The following INPP4A variants were observed in gnomAD, a reference collection of about 807,000 sequenced individuals.
INPP4A encodes the protein inositol polyphosphate-4-phosphatase type I A, also known as inositol polyphosphate-4-phosphatase, type I, 107kD.
A neutral mutation model predicts 119.8 loss-of-function variants in INPP4A; 33 were observed. The observed-to-expected ratio is 0.28, with a 90% CI of 0.21 to 0.37. The LOEUF is 0.37. INPP4A is among the 10% of genes least tolerant of loss of function. The probability of loss-of-function intolerance (pLI) is 1.00; values close to 1 mark genes in which losing one functional copy is unlikely to be tolerated. For synonymous variants in INPP4A, 496 were observed against 500.7 expected, an observed-to-expected ratio of 0.99 and a Z score of 0.12; for missense variants, 956 against 1,289.9, an observed-to-expected ratio of 0.74 and a Z score of 3.97.
intron 1 of INPP4A, among the ~76,000 whole-genome samples, chr2:98,491,334 G>T (rs1453989778): frequency 6.6e-6 from 1 of 152,236 alleles, no homozygotes; most frequent in Admixed American, 6.5e-5. Flanking sequence ...GCCACGTAGG[G>T]CCTGGGGAGC....
intron 8 of INPP4A, among the ~76,000 whole-genome samples, chr2:98,538,516 C>T (rs1470669438): frequency 2.0e-5 from 3 of 152,174 alleles, no homozygotes; most frequent in African/African-American, 4.8e-5. Context: ...AGAGCCCTAG[C>T]GCTGGTAAGT....
At chr2:98,582,621 A>G (rs888558626) in intron 24 of INPP4A, among the ~76,000 whole-genome samples, 3 of 149,392 alleles carry the variant, frequency 2.0e-5, no homozygotes, top group African/African-American at 2.5e-5. Flanking sequence ...CACCTACTGC[A>G]TACGCCAGAC....
intron 13 of INPP4A, among the ~76,000 whole-genome samples, chr2:98,551,926 G>A (rs1423676419): frequency 1.3e-5 from 2 of 152,144 alleles, no homozygotes; most frequent in Admixed American, 6.5e-5. Flanking sequence ...TATCATCACC[G>A]TTTAGTTGGA....
At chr2:98,472,117 T>A (rs971380333) in intron 1 of INPP4A, among the ~76,000 whole-genome samples, 19 of 152,216 alleles carry the variant, frequency 1.2e-4, no homozygotes, top group African/African-American at 4.6e-4. Context: ...CGTTCTCTCC[T>A]GTGGCTGGGC....
chr2:98,587,350 C>T (rs1700058887), intron 24 of INPP4A, 126 bp from the exon 25 acceptor site: 12 of 1,015,230 alleles, frequency 1.2e-5, no homozygotes, highest in South Asian at 3.8e-5. Context: ...TAAATGAGTC[C>T]GGCACCCATT....
At chr2:98,575,043 G>A (rs1041997156) in intron 23 of INPP4A, among the ~76,000 whole-genome samples, 4 of 152,236 alleles carry the variant, frequency 2.6e-5, no homozygotes, top group Admixed American at 2.6e-4. Context: ...GGGCAGCAGT[G>A]CCAGCCACTC....
rs1162020457 is a variant in INPP4A, at chr2:98,590,948, T to C, written c.*3340T>C. ...ACACTGAACATCTTTTATACCTTTA[T>C]GATATTTCTATGTTTGTGACTTCAT... On this transcript the variant is annotated 3_prime_UTR_variant, in exon 25 of 25. Transcript: ENST00000409851. The C allele has an allele frequency of 4.3e-6, 1 of 231,448 alleles. No individual in the cohort carries two copies. Among genetic ancestry groups the C allele is most frequent in the Non-Finnish European group, 8.5e-6 (1 of 117,022 alleles). 14.3% of individuals were successfully genotyped at this position (231,448 alleles called of 1,614,324 possible). A position where few individuals can be genotyped will look rare whatever the true frequency, so the allele number is the denominator to read the frequency against.
intron 1 of INPP4A, among the ~76,000 whole-genome samples, chr2:98,469,073 A>G (rs1241654029): frequency 6.6e-6 from 1 of 152,210 alleles, no homozygotes; most frequent in African/African-American, 2.4e-5. Context: ...AAAACATGGC[A>G]GCCTGCCCTC....
chr2:98,589,847 A>G lies in INPP4A; in HGVS notation c.*2239A>G, dbSNP rs1700273127. The G allele has an allele frequency of 5.2e-6, 1 of 191,740 alleles. No homozygotes were observed. The highest frequency in any genetic ancestry group is 1.1e-5 in the Non-Finnish European group (1 of 91,664). 11.9% of individuals were successfully genotyped at this position (191,740 alleles called of 1,614,324 possible). ...TCCTTATGATGCCTCCCCATTTAAA[A>G]AGAAAAGAGATCTATGGAAAACTGG... On this transcript the variant is annotated 3_prime_UTR_variant, in exon 25 of 25. Transcript: ENST00000409851.
intron 1 of INPP4A, among the ~76,000 whole-genome samples, chr2:98,490,882 A>G (rs910094878): frequency 6.6e-6 from 1 of 152,238 alleles, no homozygotes; most frequent in Non-Finnish European, 1.5e-5. Flanking sequence ...TTCCAAAATT[A>G]TTATTTTACA....
chr2:98,526,180 C>G (rs1006979484), intron 4 of INPP4A, among the ~76,000 whole-genome samples: 1 of 152,098 alleles, frequency 6.6e-6, no homozygotes, highest in African/African-American at 2.4e-5. Flanking sequence ...GTATGAAATT[C>G]AAGAACAGAC....
chr2:98,464,528 C>T (rs1674341570), intron 1 of INPP4A, among the ~76,000 whole-genome samples: 1 of 152,148 alleles, frequency 6.6e-6, no homozygotes, highest in Admixed American at 6.5e-5. Context: ...TAGCCAGTGT[C>T]TTTTTTTGCC....
intron 24 of INPP4A, among the ~76,000 whole-genome samples, chr2:98,579,770 C>T (rs1699008770): frequency 6.6e-6 from 1 of 152,276 alleles, no homozygotes; most frequent in Non-Finnish European, 1.5e-5. Context: ...CCACCCCTGC[C>T]TCCAATCATG....
At chr2:98,469,159 T>G (rs1274402348) in intron 1 of INPP4A, among the ~76,000 whole-genome samples, 3 of 152,136 alleles carry the variant, frequency 2.0e-5, no homozygotes, top group Admixed American at 2.0e-4. Flanking sequence ...TGAGGTGATT[T>G]GGAGGTACAG....
intron 13 of INPP4A, among the ~76,000 whole-genome samples, chr2:98,548,730 G>A (rs891870987): frequency 6.6e-6 from 1 of 152,252 alleles, no homozygotes; most frequent in East Asian, 1.9e-4. Context: ...GAGGTAACTT[G>A]GCCTGAGGTG....
chr2:98,571,125 C>CA (rs1006065337), intron 22 of INPP4A, among the ~76,000 whole-genome samples: 1 of 152,198 alleles, frequency 6.6e-6, no homozygotes, highest in Non-Finnish European at 1.5e-5. Flanking sequence ...TGCTCTTTAG[C>CA]AGGGACCGGA....
intron 1 of INPP4A, among the ~76,000 whole-genome samples, chr2:98,470,645 GC>G (rs1675806819): frequency 6.6e-6 from 1 of 152,154 alleles, no homozygotes; most frequent in Non-Finnish European, 1.5e-5. Flanking sequence ...TGCAGGAGGA[GC>G]TGGAAGACAT....
intron 4 of INPP4A, among the ~76,000 whole-genome samples, chr2:98,529,516 AC>A (rs1393974678): frequency 3.3e-5 from 5 of 152,172 alleles, no homozygotes; most frequent in African/African-American, 9.7e-5. Flanking sequence ...CAGGTGGATC[AC>A]GAGGTCAGGA....
intron 1 of INPP4A, among the ~76,000 whole-genome samples, chr2:98,515,843 A>G (rs1307199791): frequency 1.3e-5 from 2 of 152,062 alleles, no homozygotes. Flanking sequence ...CCTCTCCACC[A>G]CCCCTTTCCC....
Sources: gnomAD v4.1 joint callset for allele counts (sites outside exome capture counted in the v4.1 genomes callset) on GRCh38, gnomAD v4.1.1 for gene constraint, MANE v1.5 for transcripts, NCBI Gene and HGNC (gene_info 2026-07-23, HGNC 2026-07-21) for gene names.